Variants in CFAP299 observed in about 807,000 individuals in gnomAD.
The protein encoded by CFAP299 is cilia- and flagella-associated protein 299.
A neutral mutation model predicts 27.0 loss-of-function variants in CFAP299; 21 were observed. The observed-to-expected ratio is 0.78, with a 90% CI of 0.55 to 1.12. The LOEUF (loss-of-function observed/expected upper bound fraction) is 1.12. Ranked by LOEUF, CFAP299 falls within the 50% of genes most tolerant of loss-of-function variation. The probability of loss-of-function intolerance (pLI) is 0.00; values close to 1 mark genes in which losing one functional copy is unlikely to be tolerated. For synonymous variants in CFAP299, 104 were observed against 98.1 expected, an observed-to-expected ratio of 1.06 and a Z score of -0.36; for missense variants, 310 against 276.6, an observed-to-expected ratio of 1.12 and a Z score of -0.86.
intron 5 of CFAP299, among the ~76,000 whole-genome samples, chr4:80,948,136 A>C (rs932768112): frequency 6.6e-6 from 1 of 152,152 alleles, no homozygotes; most frequent in African/African-American, 2.4e-5. Flanking sequence ...AGATAAATGA[A>C]AGGTGGAAAC....
At chr4:80,814,347 C>T (rs1729313925) in intron 3 of CFAP299, among the ~76,000 whole-genome samples, 1 of 152,014 alleles carries the variant, frequency 6.6e-6, no homozygotes, top group Non-Finnish European at 1.5e-5. Flanking sequence ...GTACTTGATG[C>T]TGGCATTTGT....
At chr4:80,347,480 A>G (rs1262585855) in intron 1 of CFAP299, among the ~76,000 whole-genome samples, 1 of 152,166 alleles carries the variant, frequency 6.6e-6, no homozygotes, top group Non-Finnish European at 1.5e-5. Context: ...ATTCCTATAC[A>G]CCAACAACAG....
chr4:80,941,060 A>G (rs1017927667), intron 4 of CFAP299, among the ~76,000 whole-genome samples: 1 of 152,186 alleles, frequency 6.6e-6, no homozygotes, highest in Non-Finnish European at 1.5e-5. Context: ...ATTGTGTAAT[A>G]TTTACATATA....
At chr4:80,703,582 G>A (rs747290763) in intron 3 of CFAP299, among the ~76,000 whole-genome samples, 3 of 151,512 alleles carry the variant, frequency 2.0e-5, no homozygotes, top group Non-Finnish European at 3.0e-5. Context: ...TATTTTGGTG[G>A]TTTTAAAGAT....
chr4:80,381,984 T>C (rs1044215040), intron 2 of CFAP299, among the ~76,000 whole-genome samples: 11 of 152,192 alleles, frequency 7.2e-5, no homozygotes, highest in South Asian at 4.1e-4. Flanking sequence ...GTGTATATCT[T>C]ATGACAAAAA....
intron 2 of CFAP299, among the ~76,000 whole-genome samples, chr4:80,412,450 A>G (rs1362009470): frequency 2.6e-5 from 4 of 152,340 alleles, no homozygotes; most frequent in African/African-American, 9.6e-5. Context: ...GGAATAACGC[A>G]TGAACTCAAC....
chr4:80,494,165 G>T (rs973159656), intron 2 of CFAP299, among the ~76,000 whole-genome samples: 1 of 152,030 alleles, frequency 6.6e-6, no homozygotes, highest in Non-Finnish European at 1.5e-5. Context: ...GAATCAGCTG[G>T]TTCCTGTCCA....
chr4:80,323,347 A>G, the CFAP299 span, among the ~76,000 whole-genome samples: 13 of 152,374 alleles, frequency 8.5e-5, no homozygotes, highest in African/African-American at 2.9e-4. Flanking sequence ...CTGTTTAACT[A>G]TGACTTGTAG....
intron 3 of CFAP299, among the ~76,000 whole-genome samples, chr4:80,858,927 C>T (rs868571461): frequency 4.6e-4 from 70 of 151,972 alleles, no homozygotes; most frequent in South Asian, 1.0e-3. Context: ...CTATTAGGTC[C>T]GCTTGGTGCA....
chr4:80,540,174 C>G (rs982807776), intron 2 of CFAP299, among the ~76,000 whole-genome samples: 1 of 152,108 alleles, frequency 6.6e-6, no homozygotes, highest in Non-Finnish European at 1.5e-5. Context: ...TAAGGTGTTT[C>G]AATAAGTTTC....
chr4:80,872,249 C>G (rs773726041), intron 4 of CFAP299: 5 of 152,058 alleles, frequency 3.3e-5, no homozygotes, highest in Non-Finnish European at 7.4e-5. Flanking sequence ...TCAGTAGGTT[C>G]AAGTGGTGTC....
chr4:80,657,446 C>G (rs187786705), intron 3 of CFAP299, among the ~76,000 whole-genome samples: 18 of 152,052 alleles, frequency 1.2e-4, no homozygotes, highest in Middle Eastern at 3.4e-3. Flanking sequence ...TTCTGCATAT[C>G]GCTAGCCAGT....
At chr4:80,855,757 T>C (rs564234974) in intron 3 of CFAP299, among the ~76,000 whole-genome samples, 3 of 152,236 alleles carry the variant, frequency 2.0e-5, no homozygotes, top group African/African-American at 7.2e-5. Context: ...TATGGCTGCA[T>C]AGTATTCCAC....
intron 3 of CFAP299, among the ~76,000 whole-genome samples, chr4:80,823,396 C>T (rs914347049): frequency 1.3e-5 from 2 of 152,038 alleles, no homozygotes; most frequent in Non-Finnish European, 2.9e-5. Flanking sequence ...ATGAAAAAAT[C>T]CAAGGAGACC....
At chr4:80,889,889 A>T (rs1433888035) in intron 4 of CFAP299, among the ~76,000 whole-genome samples, 1 of 152,166 alleles carries the variant, frequency 6.6e-6, no homozygotes, top group East Asian at 1.9e-4. Flanking sequence ...AGTCATTTCA[A>T]TTGATGCTGA....
chr4:80,357,731 T>C (rs1246721206), intron 1 of CFAP299, among the ~76,000 whole-genome samples: 1 of 152,104 alleles, frequency 6.6e-6, no homozygotes, highest in East Asian at 1.9e-4. Flanking sequence ...TCTCTTTTCT[T>C]CTTCATTAGT....
At chr4:80,688,521 A>T (rs1720398675) in intron 3 of CFAP299, among the ~76,000 whole-genome samples, 1 of 152,224 alleles carries the variant, frequency 6.6e-6, no homozygotes, top group Non-Finnish European at 1.5e-5. Flanking sequence ...CAGAAAGGAC[A>T]TCCACAGCAA....
chr4:80,855,763 T>C (rs1393634394), intron 3 of CFAP299, among the ~76,000 whole-genome samples: 1 of 152,368 alleles, frequency 6.6e-6, no homozygotes, highest in South Asian at 2.1e-4. Context: ...TGCATAGTAT[T>C]CCACGGTGTA....
intron 4 of CFAP299, among the ~76,000 whole-genome samples, chr4:80,897,220 C>T (rs1734650785): frequency 6.6e-6 from 1 of 152,090 alleles, no homozygotes. Flanking sequence ...TATTCCAGAG[C>T]AGTTTTCATC....
Sources: allele counts gnomAD v4.1 joint callset (sites outside exome capture counted in the v4.1 genomes callset), GRCh38; gene constraint gnomAD v4.1.1; transcripts MANE v1.5; gene names NCBI Gene and HGNC (gene_info 2026-07-23, HGNC 2026-07-21).